Variants in FBXO25 observed in about 807,000 individuals in gnomAD.
The protein encoded by FBXO25 is F-box only protein 25.
Under a neutral mutation model 51.9 loss-of-function variants are expected in FBXO25, and 45 were observed. The ratio of observed to expected loss-of-function variants is 0.87; its 90% CI spans 0.68 to 1.11. The LOEUF (loss-of-function observed/expected upper bound fraction) is 1.11, where lower values mean the gene tolerates loss of function less well. FBXO25 is among the 50% of genes most tolerant of loss of function. FBXO25 has a pLI of 0.00. For missense variants in FBXO25, 507 were observed against 428.5 expected, an observed-to-expected ratio of 1.18 and a Z score of -1.62; for synonymous variants, 199 against 151.0, an observed-to-expected ratio of 1.32 and a Z score of -2.33.
chr8:475,099 T>G lies in FBXO25; in HGVS notation c.*6295T>G, dbSNP rs923964596. 4.6e-5 allele frequency: 17 copies of G among 369,776 alleles called. No individual in the cohort carries two copies. The Admixed American group carries it at 6.6e-4, about 14-fold the overall frequency. The allele number at this position is 369,776 out of a possible 1,614,324, so 22.9% of individuals were successfully genotyped here. ...CTCCTAAATGTTTTAGTTTTAGCTC[T>G]TAGTTTAGGCCTTTGATCTATTTTA... On this transcript the variant is annotated 3_prime_UTR_variant, in exon 10 of 10. Transcript: ENST00000350302.
Position 435,600 on chromosome 8 carries a change from G to T in FBXO25, c.289-15G>T, listed in dbSNP as rs761233935. On this transcript the variant is annotated splice_polypyrimidine_tract_variant and intron_variant, in intron 4 of 9. Transcript: ENST00000350302. Reference sequence around the variant, plus strand: ...GGCTAATTGACTAATTTTAACTTCTGTGTTGCTTTTCCAGAGGCATGGCTA... The same window carrying T: ...GGCTAATTGACTAATTTTAACTTCTTTGTTGCTTTTCCAGAGGCATGGCTA... 4.4e-6 allele frequency: 7 copies of T among 1,602,594 alleles called. No homozygotes were observed. The South Asian group carries it at 6.8e-5, about 16-fold the overall frequency.
At chr8:416,659 C>T (rs921562476) in intron 2 of FBXO25, among the ~76,000 whole-genome samples, 2 of 152,164 alleles carry the variant, frequency 1.3e-5, no homozygotes, top group Non-Finnish European at 2.9e-5. Flanking sequence ...TACCTCTACT[C>T]CTTTGTTGGG....
intron 9 of FBXO25, chr8:468,079 C>T: frequency 1.8e-6 from 2 of 1,118,884 alleles, no homozygotes; most frequent in East Asian, 5.7e-5. Flanking sequence ...AGCCTCTGGT[C>T]CCGTTTACCT....
At chr8:466,424 C>T (rs997978031) in intron 9 of FBXO25, among the ~76,000 whole-genome samples, 7 of 152,224 alleles carry the variant, frequency 4.6e-5, no homozygotes, top group African/African-American at 1.7e-4. Flanking sequence ...GAAACTGGCA[C>T]ATAGCTGGTG....
rs1279150465 is a variant in FBXO25 at position 475,677 on chromosome 8, A to G, written c.*6873A>G. The G allele has an allele frequency of 6.6e-6, 1 of 152,140 alleles. No individual in the cohort carries two copies. The highest frequency in any genetic ancestry group is 2.4e-5 in the African/African-American group (1 of 41,436). The allele number at this position is 152,140 out of a possible 1,614,324, so 9.4% of individuals were successfully genotyped here. A position where few individuals can be genotyped will look rare whatever the true frequency, so the allele number is the denominator to read the frequency against. Reference sequence around the variant, plus strand: ...ATATTTCAGTTTTTTTGTTACTATTATAATGGAATTTTCTTAAATTTCCTT... The same window carrying G: ...ATATTTCAGTTTTTTTGTTACTATTGTAATGGAATTTTCTTAAATTTCCTT... On this transcript the variant is annotated 3_prime_UTR_variant, in exon 10 of 10. Transcript: ENST00000350302.
rs1275363536 is a variant in FBXO25 at position 473,217 on chromosome 8, G to A, written c.*4413G>A. On this transcript the variant is annotated 3_prime_UTR_variant, in exon 10 of 10. Transcript: ENST00000350302. The stretch of plus-strand genomic sequence containing the variant: ...AAGCAGTGTCCCCCCGCGTCCCATG[G>A]GCTAAATGCCACTGAGCCGGTAGGA... The A allele has an allele frequency of 6.6e-6, 1 of 152,254 alleles. No individual in the cohort carries two copies. The highest frequency in any genetic ancestry group is 2.1e-4 in the South Asian group (1 of 4,832). The allele number at this position is 152,254 out of a possible 1,614,324, so 9.4% of individuals were successfully genotyped here. A position where few individuals can be genotyped will look rare whatever the true frequency, so the allele number is the denominator to read the frequency against.
chr8:459,540 G>C (rs1799670558), intron 8 of FBXO25, among the ~76,000 whole-genome samples: 1 of 152,220 alleles, frequency 6.6e-6, no homozygotes, highest in African/African-American at 2.4e-5. Flanking sequence ...GACTAGGCTG[G>C]AGTGGATACA....
chr8:440,590 A>T (rs11776233), intron 5 of FBXO25, among the ~76,000 whole-genome samples: 28,144 of 149,932 alleles, frequency 0.19, 2,579 homozygotes, highest in East Asian at 0.37. Flanking sequence ...ACTTTTTTTT[A>T]AATTTTTTAA....
chr8:469,669 C>G lies in FBXO25; in HGVS notation c.*865C>G, dbSNP rs774056975. 6.6e-6 allele frequency: 1 copy of G among 152,088 alleles called. No individual in the cohort carries two copies. The highest frequency in any genetic ancestry group is 2.4e-5 in the African/African-American group (1 of 41,404). 9.4% of individuals were successfully genotyped at this position (152,088 alleles called of 1,614,324 possible). A position where few individuals can be genotyped will look rare whatever the true frequency, so the allele number is the denominator to read the frequency against. On this transcript the variant is annotated 3_prime_UTR_variant, in exon 10 of 10. Transcript: ENST00000350302. Reference sequence around the variant, plus strand: ...GCTTCGTTTTTAAAATAACGCATGTCCATTTTAGAAAATTAGAAAATCAGT... The same window carrying G: ...GCTTCGTTTTTAAAATAACGCATGTGCATTTTAGAAAATTAGAAAATCAGT...
chr8:428,931 C>G (rs550289483), intron 2 of FBXO25, among the ~76,000 whole-genome samples: 2 of 152,296 alleles, frequency 1.3e-5, no homozygotes, highest in South Asian at 2.1e-4. Context: ...TTTTGCTTAT[C>G]TATTCATCCA....
intron 5 of FBXO25, 101 bp downstream of exon 5, chr8:435,808 A>C (rs1798070779): frequency 6.7e-7 from 1 of 1,503,252 alleles, no homozygotes; most frequent in African/African-American, 1.4e-5. Context: ...GGCAGCTTGA[A>C]GGTGTGCCTG....
At chr8:425,568 T>G (rs558046814) in intron 2 of FBXO25, among the ~76,000 whole-genome samples, 62 of 151,776 alleles carry the variant, frequency 4.1e-4, no homozygotes, top group African/African-American at 1.3e-3. Flanking sequence ...TTATTCTTTT[T>G]CTGGCTTTTT....
intron 9 of FBXO25, among the ~76,000 whole-genome samples, chr8:465,902 T>C (rs1428460632): frequency 6.6e-6 from 1 of 152,196 alleles, no homozygotes; most frequent in Non-Finnish European, 1.5e-5. Context: ...CAAAAGAATT[T>C]GCTTTGCCAT....
intron 1 of FBXO25, among the ~76,000 whole-genome samples, chr8:409,048 GTCA>G (rs1206442147): frequency 6.6e-6 from 1 of 152,116 alleles, no homozygotes; most frequent in Non-Finnish European, 1.5e-5. Flanking sequence ...AAAGCCGTGG[GTCA>G]TCATCATTCT....
At chr8:418,573 C>T (rs1194214996) in intron 2 of FBXO25, among the ~76,000 whole-genome samples, 2 of 152,096 alleles carry the variant, frequency 1.3e-5, no homozygotes, top group Non-Finnish European at 2.9e-5. Flanking sequence ...CTCTTGACCT[C>T]AGGTGATGCA....
chr8:449,212 A>T (rs752285395), intron 5 of FBXO25, among the ~76,000 whole-genome samples: 2 of 152,268 alleles, frequency 1.3e-5, no homozygotes, highest in Non-Finnish European at 2.9e-5. Context: ...GGGAAAAGTA[A>T]AAAATAAAGT....
chr8:458,435 T>C lies in FBXO25; in HGVS notation c.727T>C (p.Phe243Leu). 1 of 1,614,192 alleles carries C rather than the reference T, an allele frequency of 6.2e-7. No individual in the cohort carries two copies. Among genetic ancestry groups the C allele is most frequent in the African/African-American group, 1.3e-5 (1 of 75,054 alleles). The part of the protein sequence containing the change: ...LHMLNNILYR[F>L]SDGWDIITLG... ...CATGCTGAACAACATCCTATACCGG[T>C]TCTCAGACGGATGGGACATCATCAC... Residue 243 changes from phenylalanine to leucine, a missense_variant, in exon 8 of 10, where the codon TTC (phenylalanine) becomes CTC (leucine). Physicochemically the swap from Phe to Leu is conservative, Grantham distance 22. Transcript: ENST00000350302.
chr8:456,879 CAGG>C (rs1323038034), intron 7 of FBXO25, among the ~76,000 whole-genome samples: 1 of 152,120 alleles, frequency 6.6e-6, no homozygotes, highest in Non-Finnish European at 1.5e-5. Flanking sequence ...TATAGGGGAG[CAGG>C]AGAAGAAAGT....
intron 2 of FBXO25, among the ~76,000 whole-genome samples, chr8:414,735 C>G (rs1407626265): frequency 2.0e-5 from 3 of 152,204 alleles, no homozygotes; most frequent in Non-Finnish European, 4.4e-5. Flanking sequence ...GAACCAATGG[C>G]TGCTAACACA....
Sources: gnomAD v4.1 joint callset for allele counts (sites outside exome capture counted in the v4.1 genomes callset) on GRCh38, gnomAD v4.1.1 for gene constraint, MANE v1.5 for transcripts, NCBI Gene and HGNC (gene_info 2026-07-23, HGNC 2026-07-21) for gene names.